Variants in NLRP2 observed in about 807,000 individuals in gnomAD.
NLRP2 encodes NACHT, LRR and PYD domains-containing protein 2.
A neutral mutation model predicts 97.2 loss-of-function variants in NLRP2; 107 were observed. The observed-to-expected ratio is 1.10, with a 90% CI of 0.94 to 1.29. The LOEUF (loss-of-function observed/expected upper bound fraction) is 1.29. Among genes scored for constraint, NLRP2 ranks in the 50% most tolerant of loss-of-function variants. NLRP2 has a pLI of 0.00. For synonymous variants in NLRP2, 663 were observed against 551.5 expected (o/e 1.20, Z -2.83); for missense variants, 1,495 against 1,330.3 (o/e 1.12, Z -1.93).
Position 54,997,324 on chromosome 19 carries a change from G to A in NLRP2, c.2887G>A (p.Gly963Arg), listed in dbSNP as rs745948103. 1 of 1,613,586 alleles carries A rather than the reference G, an allele frequency of 6.2e-7. No individual in the cohort carries two copies. Among genetic ancestry groups the A allele is most frequent in the South Asian group, 1.1e-5 (1 of 91,048 alleles). The change falls in exon 12 of 13, where the codon GGA (glycine) becomes AGA (arginine). Residue 963 changes from glycine (G) to arginine (R), a missense_variant. Transcript: ENST00000448584. ...ATTTCTGTGTTTCCCCAGGTTGTGG[G>A]GATGTTCCATCCCTCCGTTCAGTTG... ...LCNLRCLWLWGCSIPPFSCED... is the reference protein window; with the variant it reads ...LCNLRCLWLWRCSIPPFSCED...
chr19:54,995,336 G>T (rs1342541228), intron 11 of NLRP2, among the ~76,000 whole-genome samples: 4 of 151,012 alleles, frequency 2.6e-5, no homozygotes, highest in East Asian at 2.0e-4. Context: ...AAATAAACAG[G>T]CATGTGCCAC....
At position 54,997,377 on chromosome 19, in the gene NLRP2, C is replaced by T; in HGVS notation, c.2940C>T (p.Cys980=). The T allele has an allele frequency of 6.2e-7, 1 of 1,614,088 alleles. No individual in the cohort carries two copies. Among genetic ancestry groups the T allele is most frequent in the Non-Finnish European group, 8.5e-7 (1 of 1,179,938 alleles). The change falls in exon 12 of 13, where the codon TGC becomes TGT. Residue 980 remains cysteine, a synonymous_variant. Coordinates refer to ENST00000448584, the MANE Select transcript of NLRP2 (RefSeq NM_017852.5). ...SCEDLCSALS[C]NQSLVTLDLG... ...AAGACCTCTGCTCTGCCCTCAGCTG[C>T]AACCAGAGCCTCGTCACTCTGGACC...
chr19:54,971,086 CT>C (rs917626873), intron 2 of NLRP2, among the ~76,000 whole-genome samples: 4 of 146,710 alleles, frequency 2.7e-5, no homozygotes, highest in Non-Finnish European at 6.0e-5. Flanking sequence ...GTTTTTTGTT[CT>C]TGTGATAGTT....
At chr19:54,985,688 A>G (rs1052204807) in intron 7 of NLRP2, among the ~76,000 whole-genome samples, 41 of 149,544 alleles carry the variant, frequency 2.7e-4, no homozygotes, top group East Asian at 3.9e-4. Flanking sequence ...AAAAAAAAAA[A>G]AAAAAAAAAA....
intron 8 of NLRP2, among the ~76,000 whole-genome samples, chr19:54,986,576 AGTCTT>A (rs2072105259): frequency 7.2e-6 from 1 of 139,472 alleles, no homozygotes; most frequent in Admixed American, 7.1e-5. Context: ...TTTTTTATGA[AGTCTT>A]GCTCTGTTGC....
chr19:54,971,500 T>TA (rs1467797152), intron 2 of NLRP2, among the ~76,000 whole-genome samples: 1 of 152,026 alleles, frequency 6.6e-6, no homozygotes, highest in East Asian at 1.9e-4. Flanking sequence ...CCTGACTTTT[T>TA]AATGATCGCC....
Position 54,977,812 on chromosome 19 carries a change from C to G in NLRP2, c.386C>G (p.Thr129Arg). 1 of 1,613,746 alleles carries G rather than the reference C, an allele frequency of 6.2e-7. No individual in the cohort carries two copies. Among genetic ancestry groups the G allele is most frequent in the Non-Finnish European group, 8.5e-7 (1 of 1,180,008 alleles). ...GACGAAATGCTGGAGCGCTTCAAAA[C>G]AGAAGCACAAGGTGGGTGTCAGGAC... ...DVDEMLERFK[T>R]EAQAFTETKG... is the part of the protein sequence containing the mutation. Residue 129 changes from threonine (T) to arginine (R), a missense_variant, in exon 4 of 13, where the codon ACA (threonine) becomes AGA (arginine). Thr to Arg is a moderately conservative substitution (Grantham distance 71). Coordinates refer to ENST00000448584, the MANE Select transcript of NLRP2 (RefSeq NM_017852.5).
Position 54,977,835 on chromosome 19 carries a change from G to A in NLRP2, c.397+12G>A. Reference sequence around the variant, plus strand: ...AACAGAAGCACAAGGTGGGTGTCAGGACCTCCAATGTTGGAGTCAGCTGAG... The same window carrying A: ...AACAGAAGCACAAGGTGGGTGTCAGAACCTCCAATGTTGGAGTCAGCTGAG... On this transcript the variant is annotated intron_variant, in intron 4 of 12. Coordinates refer to ENST00000448584, the MANE Select transcript of NLRP2 (RefSeq NM_017852.5). 1 of 1,613,074 alleles carries A rather than the reference G, an allele frequency of 6.2e-7. No homozygotes were observed. The highest frequency in any genetic ancestry group is 1.7e-5 in the Admixed American group (1 of 59,956).
Position 54,986,318 on chromosome 19 carries a change from A to G in NLRP2, c.2366+3A>G, listed in dbSNP as rs1276844626. The G allele has an allele frequency of 3.1e-6, 5 of 1,611,264 alleles. No individual in the cohort carries two copies. Among genetic ancestry groups the G allele is most frequent in the East Asian group, 4.5e-5 (2 of 44,866 alleles). ...GAATGTAACCTGCGATATCTCGGGT[A>G]TATCTCTTAATCATTAAAATCCTTC... On this transcript the variant is annotated splice_donor_region_variant and intron_variant, in intron 8 of 12. Transcript: ENST00000448584.
At chr19:54,984,329 G>GTGTGGTTTTTTTTTTGTTTTT in intron 6 of NLRP2, among the ~76,000 whole-genome samples, 1 of 79,670 alleles carries the variant, frequency 1.3e-5, no homozygotes, top group Non-Finnish European at 2.5e-5. Context: ...TTTTTTTTGT[G>GTGTGGTTTTTTTTTTGTTTTT]TTTTTTTTTT....
chr19:54,995,505 A>G (rs1394402803), intron 11 of NLRP2, among the ~76,000 whole-genome samples: 2 of 148,828 alleles, frequency 1.3e-5, no homozygotes, highest in African/African-American at 2.5e-5. Flanking sequence ...AATCACTTGA[A>G]CCCTGGAGGC....
chr19:54,981,511 C>CCCCCCCCCCCCCCCCCCCCCCA, intron 4 of NLRP2, 106 bp from the exon 5 acceptor site: 2 of 265,228 alleles, frequency 7.5e-6, no homozygotes, highest in Non-Finnish European at 8.3e-6. Context: ...GATCCCGTGC[C>CCCCCCCCCCCCCCCCCCCCCCA]CCCCCTCCCC....
Position 54,982,697 on chromosome 19 carries a change from G to C in NLRP2, c.999G>C (p.Leu333=). ...TGATGTTACCCAAGGCCGCCCTGCT[G>C]GTCACCACGCGGCCCAGGGCCCTGA... ...NRVMLPKAAL[L]VTTRPRALRD... Residue 333 remains leucine, a synonymous_variant, in exon 6 of 13, where the codon CTG becomes CTC. Transcript: ENST00000448584. 1.2e-6 allele frequency: 2 copies of C among 1,614,076 alleles called. No homozygotes were observed. Among genetic ancestry groups the C allele is most frequent in the Non-Finnish European group, 1.7e-6 (2 of 1,179,978 alleles).
chr19:55,000,339 C>T (rs1179755750), intron 12 of NLRP2, among the ~76,000 whole-genome samples: 6 of 121,922 alleles, frequency 4.9e-5, no homozygotes, highest in Non-Finnish European at 8.1e-5. Context: ...TACAGTGGCA[C>T]GATCTCGGCT....
intron 6 of NLRP2, 135 bp downstream of exon 6, chr19:54,983,863 T>A: frequency 7.6e-7 from 1 of 1,323,282 alleles, no homozygotes; most frequent in Non-Finnish European, 1.1e-6. Context: ...TGTTTGTTTT[T>A]GTTTTGAGAT....
intron 1 of NLRP2, among the ~76,000 whole-genome samples, chr19:54,967,618 T>G (rs545884270): frequency 1.3e-5 from 2 of 151,988 alleles, no homozygotes; most frequent in Non-Finnish European, 2.9e-5. Flanking sequence ...TCTTGGGGGA[T>G]TTAGGATAGA....
intron 4 of NLRP2, 117 bp from the exon 5 acceptor site, chr19:54,981,500 T>C (rs965890836): frequency 1.9e-6 from 1 of 535,532 alleles, no homozygotes; most frequent in African/African-American, 2.0e-5. Flanking sequence ...TTGCTTTATC[T>C]GATCCCGTGC....
chr19:54,967,096 G>A (rs1315218765), intron 1 of NLRP2, among the ~76,000 whole-genome samples: 1 of 150,222 alleles, frequency 6.7e-6, no homozygotes, highest in Non-Finnish European at 1.5e-5. Flanking sequence ...CTAACTCCTG[G>A]GCTCAAGCGA....
At position 54,982,470 on chromosome 19, in the gene NLRP2, T is replaced by G. The variant is rs1173226121; in HGVS notation, c.772T>G (p.Phe258Val). The G allele has an allele frequency of 6.2e-7, 1 of 1,614,050 alleles. No individual in the cohort carries two copies. Among genetic ancestry groups the G allele is most frequent in the Non-Finnish European group, 8.5e-7 (1 of 1,180,042 alleles). ...GCTCAGCCGCCTGGGCCCGTGCAGT[T>G]TTGCAGAGCTGGTCTTCAGGGACTG... is the stretch of plus-strand genomic sequence containing the variant. Reference protein sequence around the residue: ...RELSRLGPCSFAELVFRDWPE... With the variant: ...RELSRLGPCSVAELVFRDWPE... The change falls in exon 6 of 13, where the codon TTT becomes GTT. Residue 258 changes from phenylalanine (F) to valine (V), a missense_variant. Transcript: ENST00000448584.
Sources: allele counts gnomAD v4.1 joint callset (sites outside exome capture counted in the v4.1 genomes callset), GRCh38; gene constraint gnomAD v4.1.1; transcripts MANE v1.5; gene names NCBI Gene and HGNC (gene_info 2026-07-23, HGNC 2026-07-21).